The following TRIM71 variants were observed in gnomAD, a reference collection of about 807,000 sequenced individuals.
The protein encoded by TRIM71 is E3 ubiquitin-protein ligase TRIM71.
In TRIM71, 9 loss-of-function variants were observed where a neutral mutation model predicts 61.2. The ratio of observed to expected loss-of-function variants is 0.15; its 90% confidence interval spans 0.09 to 0.26. The LOEUF (loss-of-function observed/expected upper bound fraction) is 0.26, where lower values mean the gene tolerates loss of function less well. TRIM71 is among the 10% of genes least tolerant of loss of function. The pLI, the probability that TRIM71 is intolerant of heterozygous loss-of-function variation, is 1.00. For missense variants in TRIM71, 998 were observed against 1,238.7 expected, an observed-to-expected ratio of 0.81 and a Z score of 2.92; for synonymous variants, 645 against 553.2, an observed-to-expected ratio of 1.17 and a Z score of -2.33.
intron 1 of TRIM71, among the ~76,000 whole-genome samples, chr3:32,868,414 A>AACTGTGGC (rs1408939348): frequency 1.3e-5 from 2 of 152,248 alleles, no homozygotes; most frequent in Non-Finnish European, 2.9e-5. Context: ...CAAGGATGTT[A>AACTGTGGC]ACTGTGGCAC....
intron 1 of TRIM71, among the ~76,000 whole-genome samples, chr3:32,857,492 G>A (rs1400522278): frequency 1.3e-5 from 2 of 152,160 alleles, no homozygotes; most frequent in East Asian, 1.9e-4. Context: ...GGTTAGGGGC[G>A]CTGACGCCCT....
chr3:32,851,728 C>CT (rs1339929046), intron 1 of TRIM71, among the ~76,000 whole-genome samples: 8 of 152,172 alleles, frequency 5.3e-5, no homozygotes, highest in Non-Finnish European at 1.0e-4. Context: ...GTCTGCCTGC[C>CT]TTGGCCTCCC....
Position 32,818,423 on chromosome 3 carries a change from C to G in TRIM71, c.343C>G (p.Leu115Val). The G allele has an allele frequency of 6.8e-7, 1 of 1,476,694 alleles. No individual in the cohort carries two copies. Among genetic ancestry groups the G allele is most frequent in the Non-Finnish European group, 8.9e-7 (1 of 1,118,436 alleles). The allele number at this position is 1,476,694 out of a possible 1,614,324, so 91.5% of individuals were successfully genotyped here. Residue 115 changes from leucine (L) to valine (V), a missense_variant, in exon 1 of 4, where the codon CTG (leucine) becomes GTG (valine). Leu to Val is a conservative substitution (Grantham distance 32). Coordinates refer to ENST00000383763, the MANE Select transcript of TRIM71 (RefSeq NM_001039111.3). ...GGACGCGCTGCCTTCGTCCGCCTTC[C>G]TGCTTAGCAACCTGCTCGACGCGGT... is the stretch of plus-strand genomic sequence containing the variant. The part of the protein sequence containing the change: ...GMDALPSSAF[L>V]LSNLLDAVVA...
intron 1 of TRIM71, among the ~76,000 whole-genome samples, chr3:32,865,022 C>T (rs1033940882): frequency 6.6e-6 from 1 of 152,014 alleles, no homozygotes; most frequent in Non-Finnish European, 1.5e-5. Flanking sequence ...AGGATTGCTC[C>T]TGCCCTGTAA....
intron 1 of TRIM71, among the ~76,000 whole-genome samples, chr3:32,834,408 T>C (rs1327851472): frequency 6.6e-6 from 1 of 152,146 alleles, no homozygotes; most frequent in South Asian, 2.1e-4. Context: ...ATCTGTCTTA[T>C]CTGCAGCTTT....
chr3:32,840,230 C>G (rs907942198), intron 1 of TRIM71, among the ~76,000 whole-genome samples: 6 of 152,044 alleles, frequency 3.9e-5, no homozygotes, highest in South Asian at 2.1e-4. Context: ...TCCCCACCCC[C>G]CTTCCCTTCC....
chr3:32,854,634 C>T (rs1696576251), intron 1 of TRIM71, among the ~76,000 whole-genome samples: 1 of 152,212 alleles, frequency 6.6e-6, no homozygotes, highest in African/African-American at 2.4e-5. Context: ...CTAAATCTTT[C>T]TAGCCCTCAG....
At chr3:32,856,833 G>A (rs981894190) in intron 1 of TRIM71, among the ~76,000 whole-genome samples, 3 of 152,098 alleles carry the variant, frequency 2.0e-5, no homozygotes, top group African/African-American at 7.2e-5. Flanking sequence ...GAACCCTTAC[G>A]GGCTCATGAC....
intron 2 of TRIM71, among the ~76,000 whole-genome samples, chr3:32,877,258 C>T (rs1696859980): frequency 6.6e-6 from 1 of 152,146 alleles, no homozygotes; most frequent in Non-Finnish European, 1.5e-5. Context: ...AGCCTGCCAC[C>T]ACTCCCGACT....
At chr3:32,867,481 C>A (rs1292436473) in intron 1 of TRIM71, among the ~76,000 whole-genome samples, 1 of 152,034 alleles carries the variant, frequency 6.6e-6, no homozygotes, top group Non-Finnish European at 1.5e-5. Context: ...GACAGGGTCT[C>A]GGGCTCTGTG....
intron 1 of TRIM71, among the ~76,000 whole-genome samples, chr3:32,859,722 C>G (rs1385916282): frequency 6.6e-6 from 1 of 152,196 alleles, no homozygotes; most frequent in Non-Finnish European, 1.5e-5. Flanking sequence ...CCAGGGGTCA[C>G]TTCACTTGGT....
Position 32,818,779 on chromosome 3 carries a change from C to G in TRIM71, c.699C>G (p.Thr233=), listed in dbSNP as rs1019098256. The part of the protein sequence containing the change: ...CVRAHQRVRL[T]KDHYIERGPP... ...GAGCGCACCAGCGCGTGCGCCTCAC[C>G]AAGGACCACTACATCGAGCGCGGCC... Residue 233 remains threonine (T), a synonymous_variant, in exon 1 of 4, where the codon ACC becomes ACG. Coordinates refer to ENST00000383763, the MANE Select transcript of TRIM71 (RefSeq NM_001039111.3). 1 of 1,608,366 alleles carries G rather than the reference C, an allele frequency of 6.2e-7. No individual in the cohort carries two copies.
chr3:32,876,266 C>T (rs778225549), intron 2 of TRIM71, among the ~76,000 whole-genome samples: 9 of 152,170 alleles, frequency 5.9e-5, no homozygotes, highest in Admixed American at 1.3e-4. Context: ...GCCCTCGACA[C>T]TGTGGCATCG....
chr3:32,844,102 C>T (rs756369635), intron 1 of TRIM71, among the ~76,000 whole-genome samples: 20 of 152,106 alleles, frequency 1.3e-4, no homozygotes, highest in African/African-American at 3.4e-4. Flanking sequence ...CTCGCGTCGT[C>T]GTTATTTTGT....
chr3:32,843,212 C>T (rs780184369), intron 1 of TRIM71, among the ~76,000 whole-genome samples: 2 of 152,158 alleles, frequency 1.3e-5, no homozygotes, highest in Non-Finnish European at 2.9e-5. Flanking sequence ...CCTCTGCTTC[C>T]TGCTACTTTC....
chr3:32,823,825 C>T (rs950340689), intron 1 of TRIM71, among the ~76,000 whole-genome samples: 8 of 150,452 alleles, frequency 5.3e-5, no homozygotes, highest in Admixed American at 4.6e-4. Flanking sequence ...TGAGCCACCG[C>T]GCCTTTGGGA....
chr3:32,869,134 G>A (rs1696770913), intron 1 of TRIM71, among the ~76,000 whole-genome samples: 1 of 152,176 alleles, frequency 6.6e-6, no homozygotes, highest in Non-Finnish European at 1.5e-5. Context: ...GCACACACAG[G>A]TAAGGCTTCT....
At chr3:32,880,182 C>T (rs1360594123) in intron 2 of TRIM71, among the ~76,000 whole-genome samples, 2 of 151,820 alleles carry the variant, frequency 1.3e-5, no homozygotes, top group Non-Finnish European at 2.9e-5. Flanking sequence ...TGTACCACCA[C>T]GCCTGGCTAA....
chr3:32,877,430 C>T (rs979206702), intron 2 of TRIM71, among the ~76,000 whole-genome samples: 3 of 151,544 alleles, frequency 2.0e-5, no homozygotes, highest in Admixed American at 2.0e-4. Context: ...GACAGGATCT[C>T]TCTCAAACTC....
Sources: gnomAD v4.1 joint callset for allele counts (sites outside exome capture counted in the v4.1 genomes callset) on GRCh38, gnomAD v4.1.1 for gene constraint, MANE v1.5 for transcripts, NCBI Gene and HGNC (gene_info 2026-07-23, HGNC 2026-07-21) for gene names.